The following ANLN variants were observed in gnomAD, a reference collection of about 807,000 sequenced individuals.
ANLN encodes anillin, actin binding protein, also known as anillin.
A neutral mutation model predicts 135.1 loss-of-function variants in ANLN; 59 were observed. The ratio of observed to expected loss-of-function variants is 0.44; its 90% CI spans 0.35 to 0.54. The LOEUF is 0.54. Among genes scored for constraint, ANLN ranks in the 20% least tolerant of loss-of-function variants. ANLN has a pLI of 0.00. For synonymous variants in ANLN, 406 were observed against 456.4 expected (o/e 0.89, Z 1.41); for missense variants, 1,182 against 1,340.0 (o/e 0.88, Z 1.84).
At chr7:36,412,046 T>C (rs1726545655) in intron 7 of ANLN, among the ~76,000 whole-genome samples, 1 of 152,056 alleles carries the variant, frequency 6.6e-6, no homozygotes, top group Admixed American at 6.6e-5. Flanking sequence ...GTTTGCTCTA[T>C]ACCTTGTCAT....
chr7:36,410,546 T>G lies in ANLN; in HGVS notation c.1129T>G (p.Phe377Val). 2 of 1,613,532 alleles carry G rather than the reference T, an allele frequency of 1.2e-6. No individual in the cohort carries two copies. The highest frequency in any genetic ancestry group is 8.5e-7 in the Non-Finnish European group (1 of 1,179,764). The change falls in exon 6 of 24, where the codon TTT (phenylalanine) becomes GTT (valine). Residue 377 changes from phenylalanine to valine, a missense_variant. By Grantham distance (50) the Phe-to-Val change is conservative. This residue lies in a region of ANLN where 1,022 missense variants were observed against 1,134.0 expected (regional missense o/e 0.90). Coordinates refer to ENST00000265748, the MANE Select transcript of ANLN (RefSeq NM_018685.5). ...GTGIKPFLER[F>V]GERCQEHSKE... ...AGGAATTAAGCCTTTCCTGGAACGC[T>G]TTGGAGAGCGTTGTCAAGAACATAG...
At chr7:36,392,946 G>A (rs918612123) in intron 1 of ANLN, among the ~76,000 whole-genome samples, 1 of 151,970 alleles carries the variant, frequency 6.6e-6, no homozygotes, top group Non-Finnish European at 1.5e-5. Context: ...GGCTAGTGTT[G>A]TATCTGGGAA....
At chr7:36,449,587 C>A in intron 22 of ANLN, 78 bp from the exon 23 acceptor site, 4 of 1,047,998 alleles carry the variant, frequency 3.8e-6, no homozygotes, top group South Asian at 2.2e-5. Context: ...TTAATTTGTA[C>A]CAACTTAAAT....
chr7:36,399,829 A>C (rs1786864908), intron 3 of ANLN, among the ~76,000 whole-genome samples: 1 of 152,190 alleles, frequency 6.6e-6, no homozygotes, highest in African/African-American at 2.4e-5. Flanking sequence ...GCAGCTGCAA[A>C]GTATATTATT....
At chr7:36,436,610 T>G (rs551021903) in intron 20 of ANLN, among the ~76,000 whole-genome samples, 2 of 152,374 alleles carry the variant, frequency 1.3e-5, no homozygotes, top group South Asian at 4.1e-4. Flanking sequence ...CTACATCTTT[T>G]CCATTGTTTA....
At chr7:36,438,142 G>T (rs1788622360) in intron 20 of ANLN, among the ~76,000 whole-genome samples, 1 of 151,998 alleles carries the variant, frequency 6.6e-6, no homozygotes, top group Non-Finnish European at 1.5e-5. Flanking sequence ...ATCCATTTGG[G>T]TTTAATTTTT....
Position 36,423,887 on chromosome 7 carries a change from A to G in ANLN, c.2547A>G (p.Ala849=), listed in dbSNP as rs1178341029. Residue 849 remains alanine, a synonymous_variant, in exon 15 of 24, where the codon GCA becomes GCG. Transcript: ENST00000265748. ...AAAATATGGTAGCCACACCATTAGCAAGTACTTCAAACTCTCTTAACGGTG... is the reference window on the plus strand; with the variant it reads ...AAAATATGGTAGCCACACCATTAGCGAGTACTTCAAACTCTCTTAACGGTG... ...GAENMVATPL[A]STSNSLNGDA... 9 of 1,612,836 alleles carry G rather than the reference A, an allele frequency of 5.6e-6. No homozygotes were observed. The highest frequency in any genetic ancestry group is 7.6e-6 in the Non-Finnish European group (9 of 1,179,278).
intron 7 of ANLN, among the ~76,000 whole-genome samples, chr7:36,412,570 C>T (rs999063901): frequency 5.9e-5 from 9 of 151,862 alleles, no homozygotes; most frequent in African/African-American, 9.7e-5. Flanking sequence ...TCAGGTGATC[C>T]GCCCGCCTCA....
At chr7:36,416,308 T>C (rs1027338514) in intron 8 of ANLN, among the ~76,000 whole-genome samples, 2 of 152,198 alleles carry the variant, frequency 1.3e-5, no homozygotes, top group Admixed American at 6.5e-5. Flanking sequence ...GGTCAGCCAC[T>C]GCGCCCAGCC....
chr7:36,420,942 A>T (rs1473070329), intron 12 of ANLN, among the ~76,000 whole-genome samples, 198 bp downstream of exon 12: 1 of 152,186 alleles, frequency 6.6e-6, no homozygotes, highest in Non-Finnish European at 1.5e-5. Flanking sequence ...TTGGAAACTC[A>T]TTTGATATTG....
chr7:36,403,729 A>G (rs935062694), intron 3 of ANLN, among the ~76,000 whole-genome samples: 1 of 151,370 alleles, frequency 6.6e-6, no homozygotes, highest in African/African-American at 2.4e-5. Context: ...GCTCGCTGCA[A>G]CCTCCTCCAC....
chr7:36,431,999 G>A (rs984551585), intron 20 of ANLN, among the ~76,000 whole-genome samples: 1 of 152,032 alleles, frequency 6.6e-6, no homozygotes, highest in Non-Finnish European at 1.5e-5. Context: ...ATCGTTTAAA[G>A]CCAGAAGTTC....
At chr7:36,424,045 T>C in intron 15 of ANLN, 102 bp downstream of exon 15, 1 of 1,189,880 alleles carries the variant, frequency 8.4e-7, no homozygotes, top group East Asian at 2.5e-5. Flanking sequence ...TGAAACGCCT[T>C]ATGCACATTC....
intron 20 of ANLN, among the ~76,000 whole-genome samples, chr7:36,431,561 T>TCG (rs1788311850): frequency 1.3e-5 from 1 of 76,028 alleles, no homozygotes; most frequent in African/African-American, 5.0e-5. Flanking sequence ...ATGTGTGTGT[T>TCG]TGTGTGTGTG....
intron 12 of ANLN, 33 bp from the exon 13 acceptor site, chr7:36,421,824 G>C (rs1291907491): frequency 1.3e-6 from 2 of 1,557,388 alleles, no homozygotes; most frequent in Non-Finnish European, 1.7e-6. Context: ...TTTAAAATGT[G>C]TATATTTTTT....
intron 20 of ANLN, among the ~76,000 whole-genome samples, chr7:36,435,269 C>T (rs991864514): frequency 6.6e-6 from 1 of 152,158 alleles, no homozygotes; most frequent in Non-Finnish European, 1.5e-5. Context: ...CCAGCCACTA[C>T]AGGCAACCAT....
intron 20 of ANLN, among the ~76,000 whole-genome samples, chr7:36,434,851 A>G (rs914354307): frequency 2.0e-5 from 3 of 152,032 alleles, no homozygotes; most frequent in Non-Finnish European, 2.9e-5. Flanking sequence ...ACAGAATGAG[A>G]CTCTGTCTCA....
At chr7:36,410,275 CA>C (rs543149958) in intron 5 of ANLN, among the ~76,000 whole-genome samples, 18 of 150,184 alleles carry the variant, frequency 1.2e-4, no homozygotes, top group Non-Finnish European at 1.5e-4. Context: ...TCTACCTTTT[CA>C]AAATTTTTTT....
At chr7:36,412,097 G>A (rs1411543064) in intron 7 of ANLN, among the ~76,000 whole-genome samples, 1 of 151,550 alleles carries the variant, frequency 6.6e-6, no homozygotes, top group Non-Finnish European at 1.5e-5. Context: ...TCTTCCTCTT[G>A]TTTACTGTGT....
Sources: allele counts gnomAD v4.1 joint callset (sites outside exome capture counted in the v4.1 genomes callset), GRCh38; gene constraint gnomAD v4.1.1; regional missense constraint gnomAD v4.1.1; transcripts MANE v1.5; gene names NCBI Gene and HGNC (gene_info 2026-07-23, HGNC 2026-07-21).